Variants in SARDH observed in about 807,000 individuals in gnomAD.
SARDH encodes the protein sarcosine dehydrogenase.
SARDH carries 95 observed loss-of-function variants against 109.1 expected under a neutral mutation model. The observed-to-expected ratio is 0.87, with a 90% CI of 0.74 to 1.03. The LOEUF (loss-of-function observed/expected upper bound fraction) is 1.03. Ranked by LOEUF, SARDH falls within the 50% of genes least tolerant of loss-of-function variation. The pLI, the probability that SARDH is intolerant of heterozygous loss-of-function variation, is 0.00. For missense variants in SARDH, 1,267 were observed against 1,287.8 expected (o/e 0.98, Z 0.25); for synonymous variants, 572 against 534.8 (o/e 1.07, Z -0.96).
At chr9:133,703,259 A>G (rs1831561128) in intron 12 of SARDH, 4 of 554,782 alleles carry the variant, frequency 7.2e-6, no homozygotes, top group Non-Finnish European at 1.3e-5. Flanking sequence ...CTGAGAGCCC[A>G]GCCAGGGCCC....
At chr9:133,710,195 C>A (rs1238188588) in intron 10 of SARDH, among the ~76,000 whole-genome samples, 1 of 152,248 alleles carries the variant, frequency 6.6e-6, no homozygotes, top group African/African-American at 2.4e-5. Context: ...CGTCCACACG[C>A]ATGAGCCTCG....
rs1564303714 is a variant in SARDH at position 133,734,201 on chromosome 9, G to T, written c.-28C>A. 3 of 1,505,620 alleles carry T rather than the reference G, an allele frequency of 2.0e-6. No individual in the cohort carries two copies. The highest frequency in any genetic ancestry group is 2.7e-6 in the Non-Finnish European group (3 of 1,127,290). 93.3% of individuals were successfully genotyped at this position (1,505,620 alleles called of 1,614,324 possible). A position where few individuals can be genotyped will look rare whatever the true frequency, so the allele number is the denominator to read the frequency against. The stretch of plus-strand genomic sequence containing the variant: ...GGGCTCCAGGCCTCAGCGAAACAGG[G>T]AGCTGGGGAGAGAATCAGAGCTGGG... On this transcript the variant is annotated splice_region_variant and 5_prime_UTR_variant, in exon 2 of 21. Transcript: ENST00000439388.
intron 16 of SARDH, among the ~76,000 whole-genome samples, chr9:133,687,445 A>T (rs989072710): frequency 7.2e-5 from 11 of 151,888 alleles, no homozygotes; most frequent in South Asian, 2.1e-4. Context: ...TAATTGAAAA[A>T]TTTTTTTGTT....
chr9:133,723,690 G>C (rs1832400076), intron 6 of SARDH, among the ~76,000 whole-genome samples: 1 of 152,166 alleles, frequency 6.6e-6, no homozygotes, highest in Non-Finnish European at 1.5e-5. Flanking sequence ...ATGAACCCAG[G>C]AGGCAGAGCT....
In SARDH at chr9:133,666,658, G is replaced by T. The variant is rs1030840369; in HGVS notation, c.2631+77C>A. 7.8e-6 allele frequency: 12 copies of T among 1,529,100 alleles called. No individual in the cohort carries two copies. The highest frequency in any genetic ancestry group is 5.9e-5 in the Admixed American group (3 of 50,696). The allele number at this position is 1,529,100 out of a possible 1,614,324, so 94.7% of individuals were successfully genotyped here. ...TCCTCCCTATGCCCGGCACACTCAG[G>T]GTGCAGTGCAGGGAGCTGGTTTGGA... On this transcript the variant is annotated intron_variant, in intron 20 of 20. Transcript: ENST00000439388. This position sits in a 1 kb window ranked among gnomAD's most constrained non-coding sequence, Gnocchi z 5.2.
chr9:133,679,828 G>T (rs1830634830), intron 17 of SARDH, among the ~76,000 whole-genome samples: 1 of 152,230 alleles, frequency 6.6e-6, no homozygotes, highest in African/African-American at 2.4e-5. Context: ...TGGTGAGGAG[G>T]GTCTTTGGGC....
chr9:133,735,070 C>T (rs78378038), intron 1 of SARDH, among the ~76,000 whole-genome samples: 1 of 152,108 alleles, frequency 6.6e-6, no homozygotes, highest in African/African-American at 2.4e-5. Flanking sequence ...GGAGAGGCAT[C>T]GTGGATGCTA....
intron 17 of SARDH, among the ~76,000 whole-genome samples, chr9:133,672,151 C>T (rs1413356074): frequency 3.9e-5 from 6 of 152,336 alleles, no homozygotes; most frequent in Non-Finnish European, 2.9e-5. Context: ...GAGCACCTCC[C>T]GAGCACCTCC....
chr9:133,670,615 G>A lies in SARDH; in HGVS notation c.2464C>T (p.Arg822Cys), dbSNP rs768116522. 83 of 1,578,770 alleles carry A rather than the reference G, an allele frequency of 5.3e-5. No individual in the cohort carries two copies. In the Middle Eastern group the frequency reaches 6.6e-4, roughly 13 times the overall value. ...ATGGTGAAGCACACCAGGCGCCGGC[G>A]GAGGCCTGCGGCCCGCTGCTGCTCC... ...ALEQQRAAGLRRRLVCFTMED... is the reference protein window; with the variant it reads ...ALEQQRAAGLCRRLVCFTMED... The change falls in exon 19 of 21, where the codon CGC becomes TGC. Residue 822 changes from arginine (R) to cysteine (C), a missense_variant. Physicochemically the swap from Arg to Cys is radical, Grantham distance 180. Coordinates refer to ENST00000439388, the MANE Select transcript of SARDH (RefSeq NM_001134707.2).
chr9:133,703,077 C>T, intron 12 of SARDH, 48 bp from the exon 13 acceptor site: 3 of 1,515,726 alleles, frequency 2.0e-6, no homozygotes, highest in South Asian at 1.2e-5. Flanking sequence ...GGCCCCTCCC[C>T]GCTTCCCTCC....
chr9:133,670,613 G>A lies in SARDH; in HGVS notation c.2466C>T (p.Arg822=). The change falls in exon 19 of 21, where the codon CGC becomes CGT. Residue 822 remains arginine, a synonymous_variant. Transcript: ENST00000439388. The part of the protein sequence containing the change: ...ALEQQRAAGL[R]RRLVCFTMED... The stretch of plus-strand genomic sequence containing the variant: ...CCATGGTGAAGCACACCAGGCGCCG[G>A]CGGAGGCCTGCGGCCCGCTGCTGCT... 1.3e-6 allele frequency: 2 copies of A among 1,577,534 alleles called. No homozygotes were observed. Among genetic ancestry groups the A allele is most frequent in the Non-Finnish European group, 1.7e-6 (2 of 1,162,038 alleles).
chr9:133,714,934 G>A lies in SARDH; in HGVS notation c.1151-1810C>T, dbSNP rs143395078. Among the ~76,000 whole-genome samples the A allele has an allele frequency of 1.6e-3, 245 of 152,296 alleles. 4 individuals carry two copies. Among genetic ancestry groups the A allele is most frequent in the African/African-American group, 5.7e-3 (236 of 41,562 alleles). On this transcript the variant is annotated intron_variant, in intron 8 of 20. Transcript: ENST00000439388. ...GCGGGGAGCGCTATCAAGAGCTAGC[G>A]GAGGGGCAGCTGCAGGGAACAAGGG...
chr9:133,697,419 A>G (rs1364893687), intron 13 of SARDH, among the ~76,000 whole-genome samples: 6 of 152,222 alleles, frequency 3.9e-5, no homozygotes, highest in African/African-American at 7.2e-5. Context: ...TTGCCAATTC[A>G]CTCTAGGAGG....
Position 133,733,126 on chromosome 9 carries a change from G to T in SARDH, c.332-525C>A, listed in dbSNP as rs558459112. On this transcript the variant is annotated intron_variant, in intron 2 of 20. Coordinates refer to ENST00000439388, the MANE Select transcript of SARDH (RefSeq NM_001134707.2). ...GGAAGAGGCTATGACAGCCCAGCTA[G>T]GGGGCCAGTGAGAAGGCAAGAGCAA... Among the ~76,000 whole-genome samples the T allele has an allele frequency of 6.6e-5, 10 of 152,358 alleles. No individual in the cohort carries two copies. In the South Asian group the frequency reaches 2.1e-3, roughly 32 times the overall value.
At chr9:133,662,427 C>T (rs933463081), downstream of SARDH, among the ~76,000 whole-genome samples, 1 of 152,148 alleles carries the variant, frequency 6.6e-6, no homozygotes, top group East Asian at 1.9e-4. This position sits in a 1 kb window ranked among gnomAD's most constrained non-coding sequence, Gnocchi z 5.1. Flanking sequence ...TCCTCTCCTC[C>T]CCTGGCTCCC....
intron 8 of SARDH, among the ~76,000 whole-genome samples, chr9:133,714,988 G>A (rs1588439270): frequency 6.6e-6 from 1 of 152,334 alleles, no homozygotes; most frequent in African/African-American, 2.4e-5. Context: ...AATGACTCAT[G>A]CGGGTTGAGT....
chr9:133,730,321 A>C, intron 4 of SARDH, 134 bp from the exon 5 acceptor site: 1 of 1,148,954 alleles, frequency 8.7e-7, no homozygotes, highest in Non-Finnish European at 1.2e-6. Context: ...CCCCTGCGAC[A>C]CTGTCAGGGA....
At chr9:133,725,901 C>G (rs1018496471) in intron 6 of SARDH, among the ~76,000 whole-genome samples, 1 of 152,162 alleles carries the variant, frequency 6.6e-6, no homozygotes, top group African/African-American at 2.4e-5. Context: ...AGATACGACC[C>G]CTGTCCTGTC....
At chr9:133,732,679 C>T in intron 2 of SARDH, 78 bp from the exon 3 acceptor site, 1 of 1,454,212 alleles carries the variant, frequency 6.9e-7, no homozygotes, top group Admixed American at 2.2e-5. Flanking sequence ...TCAGGGGATA[C>T]CCTGATATTC....
Sources: allele counts gnomAD v4.1 joint callset (sites outside exome capture counted in the v4.1 genomes callset), GRCh38; gene constraint gnomAD v4.1.1; non-coding constraint Gnocchi (gnomAD v3.1); transcripts MANE v1.5; gene names NCBI Gene and HGNC (gene_info 2026-07-23, HGNC 2026-07-21).